SLC14A2: variants seen among roughly 807,000 people sequenced by gnomAD.
SLC14A2 encodes the protein solute carrier family 14 member 2.
Under a neutral mutation model 104.6 loss-of-function variants are expected in SLC14A2, and 91 were observed. The observed-to-expected ratio is 0.87, with a 90% confidence interval of 0.73 to 1.04. The LOEUF is 1.04. Ranked by LOEUF, SLC14A2 falls within the 50% of genes least tolerant of loss-of-function variation. The pLI is 0.00. For synonymous variants in SLC14A2, 476 were observed against 466.4 expected (o/e 1.02, Z -0.27); for missense variants, 1,189 against 1,156.0 (o/e 1.03, Z -0.41).
At chr18:45,375,832 G>C (rs1042359754) in intron 1 of SLC14A2, among the ~76,000 whole-genome samples, 4 of 152,096 alleles carry the variant, frequency 2.6e-5, no homozygotes, top group African/African-American at 4.8e-5. Flanking sequence ...GCCAATCCTA[G>C]GTAGCCTCAC....
At chr18:45,428,803 T>C (rs2086472135) in intron 1 of SLC14A2, among the ~76,000 whole-genome samples, 1 of 152,210 alleles carries the variant, frequency 6.6e-6, no homozygotes, top group South Asian at 2.1e-4. Context: ...AAAGAAAACT[T>C]TCATTTGAGT....
chr18:45,330,704 T>A (rs1010636347), intron 1 of SLC14A2, among the ~76,000 whole-genome samples: 1 of 152,206 alleles, frequency 6.6e-6, no homozygotes. Flanking sequence ...CGCCAGACCC[T>A]TAACACGCTG....
At chr18:45,493,140 G>A (rs2043031728) in intron 2 of SLC14A2, 1 of 152,140 alleles carries the variant, frequency 6.6e-6, no homozygotes, top group South Asian at 2.1e-4. Context: ...CACCTCCTCT[G>A]AGACCACTTC....
At chr18:45,206,197 A>T in the SLC14A2 span, among the ~76,000 whole-genome samples, 1 of 152,204 alleles carries the variant, frequency 6.6e-6, no homozygotes, top group Non-Finnish European at 1.5e-5. Flanking sequence ...TGGCCTTTTC[A>T]CGTAGTGTTC....
At position 45,542,057 on chromosome 18, in the gene SLC14A2, T is replaced by G. The variant is rs943869936; in HGVS notation, c.-35+58735T>G. ...AGGGTTTTTTTTTTTTTTTTTTTTTTTTTTTTTTTTTTTTTGCTTTTGAGT... is the reference window on the plus strand; with the variant it reads ...AGGGTTTTTTTTTTTTTTTTTTTTTGTTTTTTTTTTTTTTTGCTTTTGAGT... On this transcript the variant is annotated intron_variant, in intron 2 of 20. Coordinates refer to the SLC14A2 transcript ENST00000586448. 6.0e-3 allele frequency among the ~76,000 whole-genome samples: 847 copies of G among 141,160 alleles called. 14 individuals carry two copies. The highest frequency in any genetic ancestry group is 0.021 in the African/African-American group (804 of 38,132). 92.6% of individuals were successfully genotyped at this position (141,160 alleles called of 152,430 possible). A position where few individuals can be genotyped will look rare whatever the true frequency, so the allele number is the denominator to read the frequency against.
chr18:45,670,705 G>A (rs1025838963), intron 16 of SLC14A2, among the ~76,000 whole-genome samples: 11 of 152,110 alleles, frequency 7.2e-5, no homozygotes, highest in East Asian at 5.8e-4. Context: ...CTGTCACCCC[G>A]GCTGGAGTGC....
intron 1 of SLC14A2, among the ~76,000 whole-genome samples, chr18:45,372,127 C>T (rs141015011): frequency 1.1e-4 from 17 of 152,156 alleles, no homozygotes; most frequent in East Asian, 9.7e-4. Context: ...ATCTGGCCAA[C>T]GTGGCAAAAC....
chr18:45,648,737 ATAAC>A (rs1178769544), intron 10 of SLC14A2, among the ~76,000 whole-genome samples: 4 of 124,480 alleles, frequency 3.2e-5, no homozygotes, highest in East Asian at 2.1e-4. Flanking sequence ...ATCTTATGTA[ATAAC>A]TAATATACTA....
intron 1 of SLC14A2, among the ~76,000 whole-genome samples, chr18:45,218,150 T>A (rs1482568198): frequency 6.6e-6 from 1 of 152,206 alleles, no homozygotes. Context: ...GAAGTGAAAC[T>A]CTTTAATCAT....
intron 1 of SLC14A2, among the ~76,000 whole-genome samples, chr18:45,458,314 G>A (rs1016128496): frequency 6.6e-6 from 1 of 151,956 alleles, no homozygotes; most frequent in East Asian, 1.9e-4. Flanking sequence ...GCTGTCACAG[G>A]GGTCAAGGAC....
intron 4 of SLC14A2, among the ~76,000 whole-genome samples, chr18:45,629,105 T>A (rs1317133005): frequency 6.6e-6 from 1 of 152,164 alleles, no homozygotes; most frequent in African/African-American, 2.4e-5. Context: ...GAGGACAACA[T>A]GGTCAGAGGC....
At chr18:45,576,326 C>T (rs976739187) in intron 2 of SLC14A2, among the ~76,000 whole-genome samples, 8 of 145,624 alleles carry the variant, frequency 5.5e-5, no homozygotes, top group African/African-American at 1.5e-4. Context: ...CTCTGTCGCC[C>T]AGGCTGGAGT....
At chr18:45,636,288 G>A (rs1047627410) in intron 5 of SLC14A2, among the ~76,000 whole-genome samples, 1 of 152,186 alleles carries the variant, frequency 6.6e-6, no homozygotes, top group African/African-American at 2.4e-5. Context: ...TTGGTGTCTA[G>A]GGTGGCTGGT....
chr18:45,569,306 A>C (rs1201365538), intron 2 of SLC14A2, among the ~76,000 whole-genome samples: 1 of 152,220 alleles, frequency 6.6e-6, no homozygotes, highest in Non-Finnish European at 1.5e-5. Context: ...AATAGCCTAT[A>C]AATGCTCTCA....
chr18:45,622,869 C>G (rs2045197145), intron 1 of SLC14A2, among the ~76,000 whole-genome samples: 1 of 152,180 alleles, frequency 6.6e-6, no homozygotes, highest in Admixed American at 6.5e-5. Flanking sequence ...AAAAGGGAAG[C>G]ACCTAGTGTT....
intron 1 of SLC14A2, among the ~76,000 whole-genome samples, chr18:45,616,927 G>T (rs772538820): frequency 7.2e-5 from 11 of 151,968 alleles, no homozygotes; most frequent in Non-Finnish European, 1.5e-4. Context: ...ATGAAACCCC[G>T]TCTCTACTAA....
intron 1 of SLC14A2, among the ~76,000 whole-genome samples, chr18:45,413,199 A>C (rs1790957722): frequency 6.6e-6 from 1 of 152,180 alleles, no homozygotes; most frequent in Non-Finnish European, 1.5e-5. Flanking sequence ...TAATGCTATC[A>C]TGTTATCTAC....
intron 1 of SLC14A2, among the ~76,000 whole-genome samples, chr18:45,338,939 C>CTT (rs200884936): frequency 1.0e-4 from 15 of 145,846 alleles, no homozygotes; most frequent in African/African-American, 2.5e-4. Context: ...ATTCTTATAC[C>CTT]TTTTTTTTTT....
chr18:45,564,739 A>G (rs1208632955), intron 2 of SLC14A2, among the ~76,000 whole-genome samples: 1 of 152,182 alleles, frequency 6.6e-6, no homozygotes, highest in African/African-American at 2.4e-5. Flanking sequence ...CATTGTGCCA[A>G]TGAAGGGCTC....
Sources: allele counts gnomAD v4.1 joint callset (sites outside exome capture counted in the v4.1 genomes callset), GRCh38; gene constraint gnomAD v4.1.1; transcripts MANE v1.5; gene names NCBI Gene and HGNC (gene_info 2026-07-23, HGNC 2026-07-21).